The following HSPA12B variants were observed in gnomAD, a reference collection of about 807,000 sequenced individuals.
HSPA12B encodes the protein heat shock 70 kDa protein 12B.
In HSPA12B, 54 loss-of-function variants were observed where a neutral mutation model predicts 69.3. The observed-to-expected ratio is 0.78, with a 90% CI of 0.63 to 0.98. The LOEUF (loss-of-function observed/expected upper bound fraction) is 0.98. HSPA12B is among the 50% of genes least tolerant of loss of function. HSPA12B has a pLI of 0.00. For missense variants in HSPA12B, 929 were observed against 999.8 expected (o/e 0.93, Z 0.96); for synonymous variants, 441 against 436.5 (o/e 1.01, Z -0.13).
At position 3,751,997 on chromosome 20, in the gene HSPA12B, G is replaced by T. The variant is rs753336393; in HGVS notation, c.1892G>T (p.Ser631Ile). The change falls in exon 13 of 13, where the codon AGC (serine) becomes ATC (isoleucine). Residue 631 changes from serine (S) to isoleucine (I), a missense_variant. Physicochemically the swap from Ser to Ile is moderately radical, Grantham distance 142. This residue lies in a region of HSPA12B where 448 missense variants were observed against 448.1 expected (regional missense o/e 1.00). Transcript: ENST00000254963. ...GGCGTGCGCAAATGCGGCGCGCTCA[G>T]CCTCGAGCTTGAGCCCGCCGACTGC... Reference protein sequence around the residue: ...DPGVRKCGALSLELEPADCGQ... With the variant: ...DPGVRKCGALILELEPADCGQ... 2 of 1,569,140 alleles carry T rather than the reference G, an allele frequency of 1.3e-6. No homozygotes were observed. Among genetic ancestry groups the T allele is most frequent in the Admixed American group, 3.6e-5 (2 of 55,934 alleles).
intron 7 of HSPA12B, among the ~76,000 whole-genome samples, chr20:3,746,767 A>G (rs1413997774): frequency 6.6e-6 from 1 of 152,130 alleles, no homozygotes; most frequent in East Asian, 1.9e-4. Flanking sequence ...CAGAGGGAGA[A>G]CTGTAGCACA....
chr20:3,745,783 AG>A lies in HSPA12B; in HGVS notation c.559-126del, dbSNP rs1378927111. 2.1e-6 allele frequency: 2 copies of A among 969,504 alleles called. No individual in the cohort carries two copies. The highest frequency in any genetic ancestry group is 4.8e-5 in the East Asian group (2 of 41,926). The allele number at this position is 969,504 out of a possible 1,614,324, so 60.1% of individuals were successfully genotyped here. Reference sequence around the variant, plus strand: ...GCCTGCACCAAGCCATACTGATGGGAGGGGGGCCGATTCTTCCAGCTCTGCT... The same window carrying A: ...GCCTGCACCAAGCCATACTGATGGGAGGGGGCCGATTCTTCCAGCTCTGCT... On this transcript the variant is annotated intron_variant, in intron 6 of 12. Coordinates refer to ENST00000254963, the MANE Select transcript of HSPA12B (RefSeq NM_052970.5). This position sits in a 1 kb window ranked among gnomAD's most constrained non-coding sequence, Gnocchi z 5.6.
Position 3,745,552 on chromosome 20 carries a change from G to A in HSPA12B, c.513G>A (p.Glu171=). The change falls in exon 6 of 13, where the codon GAG becomes GAA. Residue 171 remains glutamate (E), a synonymous_variant. Transcript: ENST00000254963. This position sits in a 1 kb window ranked among gnomAD's most constrained non-coding sequence, Gnocchi z 5.6. ...AVNGKTMPAL[E]VFAHALRFFR... ...ATGGAAAGACGATGCCCGCCCTGGA[G>A]GTGTTCGCCCATGCCCTGCGCTTCT... The A allele has an allele frequency of 1.9e-6, 3 of 1,614,166 alleles. No individual in the cohort carries two copies. The highest frequency in any genetic ancestry group is 2.5e-6 in the Non-Finnish European group (3 of 1,180,024).
Position 3,749,657 on chromosome 20 carries a change from G to A in HSPA12B, c.938-93G>A. 5 of 947,028 alleles carry A rather than the reference G, an allele frequency of 5.3e-6. No homozygotes were observed. The South Asian group carries it at 6.4e-5, about 12-fold the overall frequency. The allele number at this position is 947,028 out of a possible 1,614,324, so 58.7% of individuals were successfully genotyped here. A position where few individuals can be genotyped will look rare whatever the true frequency, so the allele number is the denominator to read the frequency against. ...ACCCTGCAGACAGGCCTTGGGACCCGGGGCAGGGCTGGAGGCTGGGCGAGG... is the reference window on the plus strand; with the variant it reads ...ACCCTGCAGACAGGCCTTGGGACCCAGGGCAGGGCTGGAGGCTGGGCGAGG... On this transcript the variant is annotated intron_variant, in intron 9 of 12. Coordinates refer to ENST00000254963, the MANE Select transcript of HSPA12B (RefSeq NM_052970.5). The surrounding 1 kb of genome is among the most constrained non-coding windows in gnomAD (Gnocchi z 5.5).
At position 3,748,145 on chromosome 20, in the gene HSPA12B, C is replaced by T. The variant is rs1205348719; in HGVS notation, c.676-72C>T. On this transcript the variant is annotated intron_variant, in intron 7 of 12. Transcript: ENST00000254963. Reference sequence around the variant, plus strand: ...GTGGGAGCCCCACAGGCCGCGGTTCCCCACCTCACAGTGCCATCTTAGGTG... The same window carrying T: ...GTGGGAGCCCCACAGGCCGCGGTTCTCCACCTCACAGTGCCATCTTAGGTG... 5.9e-6 allele frequency: 8 copies of T among 1,355,538 alleles called. No homozygotes were observed. The East Asian group carries it at 8.1e-5, about 14-fold the overall frequency. The allele number at this position is 1,355,538 out of a possible 1,614,324, so 84.0% of individuals were successfully genotyped here.
intron 4 of HSPA12B, among the ~76,000 whole-genome samples, chr20:3,743,226 C>G (rs2088238588): frequency 6.8e-6 from 1 of 148,006 alleles, no homozygotes; most frequent in Admixed American, 6.8e-5. Context: ...CTCTGTCACA[C>G]AAGCTGGAGT....
At chr20:3,739,236 G>A (rs2088157891) in intron 2 of HSPA12B, among the ~76,000 whole-genome samples, 1 of 151,284 alleles carries the variant, frequency 6.6e-6, no homozygotes, top group Non-Finnish European at 1.5e-5. Flanking sequence ...AGGAGTGTTT[G>A]AATGTCCATG....
At chr20:3,746,742 T>C (rs998174746) in intron 7 of HSPA12B, among the ~76,000 whole-genome samples, 32 of 152,108 alleles carry the variant, frequency 2.1e-4, no homozygotes, top group Admixed American at 1.5e-3. Flanking sequence ...CTCAGCTAGA[T>C]CCCATGGGGA....
intron 11 of HSPA12B, 58 bp from the exon 12 acceptor site, chr20:3,750,746 A>G (rs1444769369): frequency 2.5e-6 from 4 of 1,610,986 alleles, no homozygotes; most frequent in Non-Finnish European, 3.4e-6. Context: ...CGGACCCCAA[A>G]CTGGGGCAAG....
chr20:3,743,736 C>T (rs77838411), intron 4 of HSPA12B, among the ~76,000 whole-genome samples: 1,805 of 146,476 alleles, frequency 0.012, 33 homozygotes, highest in African/African-American at 0.045. Flanking sequence ...GTTTTTTCCT[C>T]CTCTCATTTT....
In HSPA12B at chr20:3,745,065, A is replaced by C. The variant is rs2088272344; in HGVS notation, c.430A>C (p.Lys144Gln). The C allele has an allele frequency of 6.2e-7, 1 of 1,613,812 alleles. No homozygotes were observed. Among genetic ancestry groups the C allele is most frequent in the Non-Finnish European group, 8.5e-7 (1 of 1,179,968 alleles). Residue 144 changes from lysine to glutamine, a missense_variant, in exon 5 of 13, where the codon AAG (lysine) becomes CAG (glutamine). Transcript: ENST00000254963. This position sits in a 1 kb window ranked among gnomAD's most constrained non-coding sequence, Gnocchi z 5.6. The part of the protein sequence containing the change: ...ARDWLYFEKF[K>Q]MKIHSATDLT... ...GGACTGGCTCTACTTCGAGAAGTTC[A>C]AGATGAAGATCCACAGCGCCACGGT... is the stretch of plus-strand genomic sequence containing the variant.
In HSPA12B at chr20:3,749,135, A is replaced by C. The variant is rs2088361473; in HGVS notation, c.851-97A>C. The C allele has an allele frequency of 1.9e-6, 2 of 1,040,958 alleles. No individual in the cohort carries two copies. Among genetic ancestry groups the C allele is most frequent in the East Asian group, 2.6e-5 (1 of 38,426 alleles). The allele number at this position is 1,040,958 out of a possible 1,614,324, so 64.5% of individuals were successfully genotyped here. ...AGTTTCAGGAGCACTGGCTGCTCCC[A>C]GTGCCCATGGAGGTCCTGGGCAGGA... On this transcript the variant is annotated intron_variant, in intron 8 of 12. Transcript: ENST00000254963. The surrounding 1 kb of genome is among the most constrained non-coding windows in gnomAD (Gnocchi z 5.5).
chr20:3,749,805 C>T lies in HSPA12B; in HGVS notation c.993C>T (p.His331=). 6.2e-7 allele frequency: 1 copy of T among 1,608,438 alleles called. No homozygotes were observed. Among genetic ancestry groups the T allele is most frequent in the Non-Finnish European group, 8.5e-7 (1 of 1,178,522 alleles). The part of the protein sequence containing the change: ...CGGGTVDLTV[H]QLEQPHGTLK... ...GAGGCACCGTGGACCTGACGGTGCA[C>T]CAGCTGGAGCAGCCCCATGGCACCC... The change falls in exon 10 of 13, where the codon CAC becomes CAT. Residue 331 remains histidine, a synonymous_variant. Transcript: ENST00000254963. The surrounding 1 kb of genome is among the most constrained non-coding windows in gnomAD (Gnocchi z 5.5).
At chr20:3,742,831 G>A (rs1354586498) in intron 4 of HSPA12B, among the ~76,000 whole-genome samples, 3 of 151,734 alleles carry the variant, frequency 2.0e-5, no homozygotes, top group African/African-American at 7.3e-5. Flanking sequence ...CCAAGTAGCT[G>A]GGAATACAGG....
At chr20:3,733,801 G>C (rs1325513839) in intron 1 of HSPA12B, among the ~76,000 whole-genome samples, 3 of 152,244 alleles carry the variant, frequency 2.0e-5, no homozygotes. Flanking sequence ...TACAGGGCTG[G>C]CTGGGTGCTG....
chr20:3,751,039 C>A, intron 12 of HSPA12B, 132 bp downstream of exon 12: 1 of 912,476 alleles, frequency 1.1e-6, no homozygotes, highest in Non-Finnish European at 1.7e-6. Context: ...ATCTAGAACA[C>A]CTGCGGGATG....
rs1471825728 is a variant in HSPA12B at position 3,749,990 on chromosome 20, G to A, written c.1064G>A (p.Gly355Asp). The A allele has an allele frequency of 2.5e-6, 4 of 1,576,588 alleles. No homozygotes were observed. Among genetic ancestry groups the A allele is most frequent in the Admixed American group, 1.8e-5 (1 of 54,636 alleles). ...KASGGPYGAV[G>D]VDLAFEQLLC... ...CCAGGGGGCCCTTATGGCGCGGTGGGCGTGGACCTGGCCTTCGAGCAGCTG... is the reference window on the plus strand; with the variant it reads ...CCAGGGGGCCCTTATGGCGCGGTGGACGTGGACCTGGCCTTCGAGCAGCTG... The change falls in exon 11 of 13, where the codon GGC (glycine) becomes GAC (aspartate). Residue 355 changes from glycine to aspartate, a missense_variant. This residue lies in a region of HSPA12B where 477 missense variants were observed against 535.2 expected (regional missense o/e 0.89). Coordinates refer to ENST00000254963, the MANE Select transcript of HSPA12B (RefSeq NM_052970.5). This position sits in a 1 kb window ranked among gnomAD's most constrained non-coding sequence, Gnocchi z 5.5.
chr20:3,750,986 A>G lies in HSPA12B; in HGVS notation c.1405+79A>G, dbSNP rs373061185. Reference sequence around the variant, plus strand: ...GAATAATTCCCCCCCATCAGTGCCTAGATACCTCCACACATCCATACACTG... The same window carrying G: ...GAATAATTCCCCCCCATCAGTGCCTGGATACCTCCACACATCCATACACTG... On this transcript the variant is annotated intron_variant, in intron 12 of 12. Transcript: ENST00000254963. 1.0e-4 allele frequency: 125 copies of G among 1,191,560 alleles called. No homozygotes were observed. In the African/African-American group the frequency reaches 1.6e-3, roughly 16 times the overall value. 73.8% of individuals were successfully genotyped at this position (1,191,560 alleles called of 1,614,324 possible). A position where few individuals can be genotyped will look rare whatever the true frequency, so the allele number is the denominator to read the frequency against.
At chr20:3,743,639 A>G (rs901721518) in intron 4 of HSPA12B, among the ~76,000 whole-genome samples, 1 of 152,220 alleles carries the variant, frequency 6.6e-6, no homozygotes, top group Non-Finnish European at 1.5e-5. Context: ...AGCACATACG[A>G]AGCTACCACT....
Sources: allele counts gnomAD v4.1 joint callset (sites outside exome capture counted in the v4.1 genomes callset), GRCh38; gene constraint gnomAD v4.1.1; regional missense constraint gnomAD v4.1.1; non-coding constraint Gnocchi (gnomAD v3.1); transcripts MANE v1.5; gene names NCBI Gene and HGNC (gene_info 2026-07-23, HGNC 2026-07-21).